TNFRSF11B: variants seen among roughly 807,000 people sequenced by gnomAD.
The protein encoded by TNFRSF11B is TNF receptor superfamily member 11b, also known as tumor necrosis factor receptor superfamily member 11B.
A neutral mutation model predicts 43.4 loss-of-function variants in TNFRSF11B; 16 were observed. The ratio of observed to expected loss-of-function variants is 0.37; its 90% CI spans 0.25 to 0.56. TNFRSF11B has a LOEUF of 0.56. TNFRSF11B is among the 20% of genes least tolerant of loss of function. The pLI, the probability that TNFRSF11B is intolerant of heterozygous loss-of-function variation, is 0.80. For missense variants in TNFRSF11B, 444 were observed against 490.1 expected (o/e 0.91, Z 0.89); for synonymous variants, 185 against 181.8 (o/e 1.02, Z -0.14).
At chr8:118,943,196 G>T (rs899461281) in intron 1 of TNFRSF11B, among the ~76,000 whole-genome samples, 3 of 151,954 alleles carry the variant, frequency 2.0e-5, no homozygotes, top group African/African-American at 4.8e-5. Flanking sequence ...ACTTATTCCT[G>T]CATCCCCAGG....
chr8:118,946,171 A>G (rs1346404825), intron 1 of TNFRSF11B, among the ~76,000 whole-genome samples: 3 of 152,022 alleles, frequency 2.0e-5, no homozygotes, highest in African/African-American at 7.2e-5. Context: ...TGCTTCTGAG[A>G]AATTGGGGTG....
chr8:118,928,368 T>C (rs540044349), intron 3 of TNFRSF11B, among the ~76,000 whole-genome samples: 9 of 152,194 alleles, frequency 5.9e-5, no homozygotes, highest in African/African-American at 1.9e-4. Flanking sequence ...GTTGCCAATT[T>C]ATACTTTAGT....
intron 1 of TNFRSF11B, among the ~76,000 whole-genome samples, chr8:118,944,932 A>G (rs1161853304): frequency 6.6e-6 from 1 of 152,020 alleles, no homozygotes; most frequent in African/African-American, 2.4e-5. Flanking sequence ...TTTTAACTAA[A>G]TGGGATATGA....
intron 1 of TNFRSF11B, among the ~76,000 whole-genome samples, chr8:118,945,605 T>G (rs1812550410): frequency 6.6e-6 from 1 of 152,132 alleles, no homozygotes; most frequent in Non-Finnish European, 1.5e-5. Context: ...TTAAATTACA[T>G]TTTTTGGTGA....
intron 1 of TNFRSF11B, among the ~76,000 whole-genome samples, chr8:118,941,776 G>A (rs990745469): frequency 1.3e-5 from 2 of 152,116 alleles, no homozygotes; most frequent in Non-Finnish European, 2.9e-5. Flanking sequence ...TTGTAATGCA[G>A]GCATATGCTT....
Position 118,924,356 on chromosome 8 carries a change from C to T in TNFRSF11B, c.*18G>A. The T allele has an allele frequency of 1.2e-6, 2 of 1,613,730 alleles. No individual in the cohort carries two copies. The highest frequency in any genetic ancestry group is 1.3e-5 in the African/African-American group (1 of 75,034). On this transcript the variant is annotated 3_prime_UTR_variant, in exon 5 of 5. Coordinates refer to ENST00000297350, the MANE Select transcript of TNFRSF11B (RefSeq NM_002546.4). Reference sequence around the variant, plus strand: ...GATCTCGCCAATTGTGAGGAAACAGCTCAATGGCCATTTCCAGTTATAAGC... The same window carrying T: ...GATCTCGCCAATTGTGAGGAAACAGTTCAATGGCCATTTCCAGTTATAAGC...
At chr8:118,926,466 T>C (rs757704068) in intron 4 of TNFRSF11B, 28 bp downstream of exon 4, 3 of 1,579,570 alleles carry the variant, frequency 1.9e-6, no homozygotes, top group Non-Finnish European at 2.6e-6. Context: ...TGATTTCTGA[T>C]TGATCTTTTT....
At chr8:118,950,454 A>G (rs1812625453) in intron 1 of TNFRSF11B, among the ~76,000 whole-genome samples, 1 of 152,228 alleles carries the variant, frequency 6.6e-6, no homozygotes, top group South Asian at 2.1e-4. Flanking sequence ...AATACAAGCA[A>G]AATTCATCTA....
chr8:118,944,078 G>T (rs1172322212), intron 1 of TNFRSF11B, among the ~76,000 whole-genome samples: 1 of 152,122 alleles, frequency 6.6e-6, no homozygotes, highest in East Asian at 1.9e-4. Context: ...CTTTGCAGTT[G>T]CTTACCCTCA....
At chr8:118,926,809 A>T in intron 3 of TNFRSF11B, 91 bp from the exon 4 acceptor site, 1 of 1,217,770 alleles carries the variant, frequency 8.2e-7, no homozygotes, top group Middle Eastern at 1.9e-4. Flanking sequence ...AAACCAACAC[A>T]ATTGAATTTT....
At position 118,933,276 on chromosome 8, in the gene TNFRSF11B, T is replaced by C; in HGVS notation, c.55A>G (p.Thr19Ala). 6.2e-7 allele frequency: 1 copy of C among 1,613,850 alleles called. No homozygotes were observed. Among genetic ancestry groups the C allele is most frequent in the African/African-American group, 1.3e-5 (1 of 75,038 alleles). ...TTTGGAGGAAACGTTTCCTGGGTGG[T>C]CCACTTAATGGAGATGTCCAGAAAC... is the stretch of plus-strand genomic sequence containing the variant. ...LVFLDISIKW[T>A]TQETFPPKYL... is the part of the protein sequence containing the mutation. Residue 19 changes from threonine (T) to alanine (A), a missense_variant, in exon 2 of 5, where the codon ACC (threonine) becomes GCC (alanine). Coordinates refer to ENST00000297350, the MANE Select transcript of TNFRSF11B (RefSeq NM_002546.4).
In TNFRSF11B at chr8:118,924,483, T is replaced by C. The variant is rs773779681; in HGVS notation, c.1097A>G (p.Lys366Arg). 1.2e-6 allele frequency: 2 copies of C among 1,614,110 alleles called. No homozygotes were observed. Among genetic ancestry groups the C allele is most frequent in the Non-Finnish European group, 1.7e-6 (2 of 1,179,948 alleles). Reference sequence around the variant, plus strand: ...GCTGTGAAGGAACCTGATGGTCTTCTTTAGACTCTGAGTGACAGTTTTGGG... The same window carrying C: ...GCTGTGAAGGAACCTGATGGTCTTCCTTAGACTCTGAGTGACAGTTTTGGG... ...HFPKTVTQSL[K>R]KTIRFLHSFT... is the part of the protein sequence containing the mutation. The change falls in exon 5 of 5, where the codon AAG becomes AGG. Residue 366 changes from lysine to arginine, a missense_variant. Coordinates refer to ENST00000297350, the MANE Select transcript of TNFRSF11B (RefSeq NM_002546.4).
chr8:118,951,673 C>T (rs558464544), intron 1 of TNFRSF11B, 119 bp downstream of exon 1: 6 of 996,402 alleles, frequency 6.0e-6, no homozygotes, highest in East Asian at 2.6e-5. Flanking sequence ...TAACCCCAAG[C>T]CTCTCCTGGG....
chr8:118,924,871 T>A (rs985010687), intron 4 of TNFRSF11B, 109 bp from the exon 5 acceptor site: 2 of 1,357,880 alleles, frequency 1.5e-6, no homozygotes, highest in Non-Finnish European at 2.1e-6. Context: ...ATAATTATAT[T>A]TCAATGATAA....
chr8:118,937,776 T>A (rs1317350022), intron 1 of TNFRSF11B, among the ~76,000 whole-genome samples: 1 of 152,158 alleles, frequency 6.6e-6, no homozygotes, highest in Non-Finnish European at 1.5e-5. Flanking sequence ...TTAGTTTCAA[T>A]CAATTAGTTT....
intron 1 of TNFRSF11B, among the ~76,000 whole-genome samples, 157 bp from the exon 2 acceptor site, chr8:118,933,457 A>G (rs1477777010): frequency 6.6e-6 from 1 of 152,182 alleles, no homozygotes; most frequent in East Asian, 1.9e-4. Context: ...TGCCTCCGGG[A>G]GCTTAATCTC....
intron 4 of TNFRSF11B, 71 bp from the exon 5 acceptor site, chr8:118,924,833 G>A (rs966421083): frequency 2.9e-5 from 47 of 1,593,454 alleles, no homozygotes; most frequent in African/African-American, 6.7e-5. Flanking sequence ...TAAAACAAGC[G>A]TGAGGCAAAA....
At chr8:118,939,163 T>A (rs896566421) in intron 1 of TNFRSF11B, among the ~76,000 whole-genome samples, 9 of 152,224 alleles carry the variant, frequency 5.9e-5, no homozygotes, top group Non-Finnish European at 2.9e-5. Context: ...CTCTCGGTAC[T>A]ATGAGTTATG....
At chr8:118,944,847 A>G (rs990794082) in intron 1 of TNFRSF11B, among the ~76,000 whole-genome samples, 11 of 152,216 alleles carry the variant, frequency 7.2e-5, no homozygotes, top group East Asian at 5.8e-4. Context: ...ATTCCACTCA[A>G]TGCATCTAAG....
Sources: gnomAD v4.1 joint callset for allele counts (sites outside exome capture counted in the v4.1 genomes callset) on GRCh38, gnomAD v4.1.1 for gene constraint, MANE v1.5 for transcripts, NCBI Gene and HGNC (gene_info 2026-07-23, HGNC 2026-07-21) for gene names.